BCL2: variants seen among roughly 807,000 people sequenced by gnomAD.
BCL2 encodes the protein BCL2 apoptosis regulator.
In BCL2, 1 loss-of-function variant was observed where a neutral mutation model predicts 14.2. The observed-to-expected ratio is 0.07, with a 90% CI of 0.02 to 0.33. The LOEUF is 0.33. Ranked by LOEUF, BCL2 falls within the 10% of genes least tolerant of loss-of-function variation. The pLI is 0.99. For synonymous variants in BCL2, 151 were observed against 137.2 expected (o/e 1.10, Z -0.70); for missense variants, 247 against 305.9 (o/e 0.81, Z 1.44).
At chr18:63,260,101 C>CTT (rs146237417) in intron 2 of BCL2, among the ~76,000 whole-genome samples, 1 of 149,662 alleles carries the variant, frequency 6.7e-6, no homozygotes, top group African/African-American at 2.4e-5. Context: ...TTTTCATCTG[C>CTT]TTTTTTTTTT....
chr18:63,255,831 C>T (rs1174914348), intron 2 of BCL2, among the ~76,000 whole-genome samples: 1 of 151,782 alleles, frequency 6.6e-6, no homozygotes, highest in Non-Finnish European at 1.5e-5. Context: ...CAGCCCTCCC[C>T]CCCCGCCACA....
intron 2 of BCL2, among the ~76,000 whole-genome samples, chr18:63,300,752 C>T (rs1271888011): frequency 6.6e-6 from 1 of 152,188 alleles, no homozygotes; most frequent in Non-Finnish European, 1.5e-5. Context: ...CCAGCGAGAA[C>T]TCCAGGAGCC....
rs67959905 is a variant in BCL2 at position 63,148,661 on chromosome 18, GA to G, written c.586-19903del. Among the ~76,000 whole-genome samples, 1,337 of 141,438 alleles carry G rather than the reference GA, an allele frequency of 9.5e-3. 16 individuals carry two copies. The highest frequency in any genetic ancestry group is 0.025 in the African/African-American group (983 of 38,850). The allele number at this position is 141,438 out of a possible 152,430, so 92.8% of individuals were successfully genotyped here. On this transcript the variant is annotated intron_variant, in intron 2 of 2. Transcript: ENST00000333681. ...TGGCCTGCTGCCTGGAATGTAGTAG[GA>G]AAAAAAAAAAAAGTTGTTAAATAAA...
In BCL2 at chr18:63,127,650, G is replaced by A. The variant is rs755273824; in HGVS notation, c.*975C>T. On this transcript the variant is annotated 3_prime_UTR_variant, in exon 3 of 3. Coordinates refer to ENST00000333681, the MANE Select transcript of BCL2 (RefSeq NM_000633.3). ...AAGCTGGGACACAGGCAGGTTCTGCGGACTTCGGTCTCCTAAAAGCAGGCA... is the reference window on the plus strand; with the variant it reads ...AAGCTGGGACACAGGCAGGTTCTGCAGACTTCGGTCTCCTAAAAGCAGGCA... 2.2e-5 allele frequency: 5 copies of A among 230,276 alleles called. No homozygotes were observed. Among genetic ancestry groups the A allele is most frequent in the Middle Eastern group, 1.3e-3 (1 of 772 alleles). The allele number at this position is 230,276 out of a possible 1,614,324, so 14.3% of individuals were successfully genotyped here.
At chr18:63,183,693 C>G (rs575372274) in intron 2 of BCL2, among the ~76,000 whole-genome samples, 1 of 152,204 alleles carries the variant, frequency 6.6e-6, no homozygotes, top group Non-Finnish European at 1.5e-5. Context: ...AAAGGAAACA[C>G]GCCATCGCCT....
At chr18:63,283,610 C>T (rs1001864954) in intron 2 of BCL2, among the ~76,000 whole-genome samples, 2 of 152,220 alleles carry the variant, frequency 1.3e-5, no homozygotes, top group African/African-American at 4.8e-5. Context: ...CAGGAATGAT[C>T]TTCTGCTCAT....
In BCL2 at chr18:63,319,132, T is replaced by C. The variant is rs4987706; in HGVS notation, c.-287+42A>G. ...AAGTAAAAAATCTCAAAGGTTTCCA[T>C]TGAAAGTTACATTAAACCAATTTCC... On this transcript the variant is annotated intron_variant, in intron 1 of 2. Coordinates refer to ENST00000333681, the MANE Select transcript of BCL2 (RefSeq NM_000633.3). 246 of 933,662 alleles carry C rather than the reference T, an allele frequency of 2.6e-4. No homozygotes were observed. The African/African-American group carries it at 3.4e-3, about 13-fold the overall frequency. The allele number at this position is 933,662 out of a possible 1,614,324, so 57.8% of individuals were successfully genotyped here.
intron 2 of BCL2, among the ~76,000 whole-genome samples, chr18:63,202,961 C>T (rs1463536342): frequency 1.3e-5 from 2 of 152,204 alleles, no homozygotes; most frequent in East Asian, 1.9e-4. Context: ...CAAGAACAAG[C>T]GTCCTGGCCT....
chr18:63,223,021 G>A (rs1376279998), intron 2 of BCL2, among the ~76,000 whole-genome samples: 1 of 152,200 alleles, frequency 6.6e-6, no homozygotes, highest in East Asian at 1.9e-4. Flanking sequence ...GGAAAGTTAG[G>A]AACAACCAGT....
intron 2 of BCL2, among the ~76,000 whole-genome samples, chr18:63,273,270 T>G (rs1599283214): frequency 6.6e-6 from 1 of 152,312 alleles, no homozygotes; most frequent in African/African-American, 2.4e-5. Flanking sequence ...TCATACAAAC[T>G]TTTCAGATCA....
chr18:63,171,149 C>T (rs1177050346), intron 2 of BCL2, among the ~76,000 whole-genome samples: 2 of 152,142 alleles, frequency 1.3e-5, no homozygotes, highest in Non-Finnish European at 2.9e-5. Flanking sequence ...TATTCATAAG[C>T]CATGTGTGAT....
Position 63,318,717 on chromosome 18 carries a change from C to G in BCL2, c.-51G>C. On this transcript the variant is annotated 5_prime_UTR_variant, in exon 2 of 3. Coordinates refer to ENST00000333681, the MANE Select transcript of BCL2 (RefSeq NM_000633.3). This position sits in a 1 kb window ranked among gnomAD's most constrained non-coding sequence, Gnocchi z 7.4. ...GCCAACGGCACCTCTCGCCCCAGCTCCCACCCCACGGCCCCCAGAGAAAGA... is the reference window on the plus strand; with the variant it reads ...GCCAACGGCACCTCTCGCCCCAGCTGCCACCCCACGGCCCCCAGAGAAAGA... The G allele has an allele frequency of 6.2e-7, 1 of 1,609,440 alleles. No individual in the cohort carries two copies. Among genetic ancestry groups the G allele is most frequent in the Non-Finnish European group, 8.5e-7 (1 of 1,177,836 alleles).
intron 2 of BCL2, among the ~76,000 whole-genome samples, chr18:63,312,085 G>GC (rs1764856173): frequency 6.6e-6 from 1 of 152,202 alleles, no homozygotes; most frequent in South Asian, 2.1e-4. Flanking sequence ...ATTTTGACCT[G>GC]CCCAGCTGCC....
At chr18:63,162,815 C>T (rs1914954131) in intron 2 of BCL2, among the ~76,000 whole-genome samples, 1 of 151,896 alleles carries the variant, frequency 6.6e-6, no homozygotes, top group Non-Finnish European at 1.5e-5. Flanking sequence ...TTCCTTCTTT[C>T]CTTCCCTCCT....
chr18:63,221,316 T>A lies in BCL2; in HGVS notation c.586-92557A>T, dbSNP rs181967138. Reference sequence around the variant, plus strand: ...TTAACACAAAATTAGATGTGAGTGTTCATTTTCAGCAAAATGGCAAACAAC... The same window carrying A: ...TTAACACAAAATTAGATGTGAGTGTACATTTTCAGCAAAATGGCAAACAAC... On this transcript the variant is annotated intron_variant, in intron 2 of 2. Transcript: ENST00000333681. Among the ~76,000 whole-genome samples the A allele has an allele frequency of 4.2e-3, 637 of 152,282 alleles. 1 individual carries two copies. The highest frequency in any genetic ancestry group is 0.027 in the Middle Eastern group (8 of 294).
intron 2 of BCL2, among the ~76,000 whole-genome samples, chr18:63,198,301 CACAG>C (rs1418975580): frequency 2.0e-5 from 3 of 150,816 alleles, no homozygotes; most frequent in Non-Finnish European, 4.4e-5. Context: ...CAGAGACACA[CACAG>C]ACACACACTG....
At chr18:63,295,593 T>C (rs1912776802) in intron 2 of BCL2, among the ~76,000 whole-genome samples, 1 of 152,204 alleles carries the variant, frequency 6.6e-6, no homozygotes, top group Non-Finnish European at 1.5e-5. Flanking sequence ...GAAGAGTATA[T>C]GACATGCCCA....
At position 63,202,715 on chromosome 18, in the gene BCL2, G is replaced by A. The variant is rs146065810; in HGVS notation, c.586-73956C>T. On this transcript the variant is annotated intron_variant, in intron 2 of 2. Transcript: ENST00000333681. The stretch of plus-strand genomic sequence containing the variant: ...CTATCTTTCTTTAACTCTCTTTGAT[G>A]TTTAGAGGTTCTTAGACAAATGGGG... 1.8e-4 allele frequency among the ~76,000 whole-genome samples: 28 copies of A among 152,238 alleles called. No individual in the cohort carries two copies. In the East Asian group the frequency reaches 5.4e-3, roughly 29 times the overall value.
intron 2 of BCL2, among the ~76,000 whole-genome samples, chr18:63,303,041 C>A (rs1913013976): frequency 6.6e-6 from 1 of 152,092 alleles, no homozygotes; most frequent in South Asian, 2.1e-4. Context: ...AGTGACATGT[C>A]ATTCCACCTC....
Sources: gnomAD v4.1 joint callset for allele counts (sites outside exome capture counted in the v4.1 genomes callset) on GRCh38, gnomAD v4.1.1 for gene constraint, Gnocchi (gnomAD v3.1) non-coding constraint, MANE v1.5 for transcripts, NCBI Gene and HGNC (gene_info 2026-07-23, HGNC 2026-07-21) for gene names.